SCARB2: variants seen among roughly 807,000 people sequenced by gnomAD.
SCARB2 encodes lysosome membrane protein 2.
Under a neutral mutation model 58.6 loss-of-function variants are expected in SCARB2, and 29 were observed. The observed-to-expected ratio is 0.49, with a 90% CI of 0.37 to 0.67. The LOEUF (loss-of-function observed/expected upper bound fraction) is 0.67, where lower values mean the gene tolerates loss of function less well. Ranked by LOEUF, SCARB2 falls within the 30% of genes least tolerant of loss-of-function variation. SCARB2 has a pLI of 0.00. For missense variants in SCARB2, 488 were observed against 578.5 expected (o/e 0.84, Z 1.60); for synonymous variants, 195 against 210.1 (o/e 0.93, Z 0.62).
chr4:76,219,496 G>A (rs555767522), intron 1 of SCARB2, among the ~76,000 whole-genome samples: 2 of 152,308 alleles, frequency 1.3e-5, no homozygotes, highest in East Asian at 3.9e-4. Flanking sequence ...TTTCCTGCAT[G>A]TTGTGAAATC....
intron 2 of SCARB2, among the ~76,000 whole-genome samples, chr4:76,183,657 A>G (rs1036448583): frequency 6.6e-6 from 1 of 152,202 alleles, no homozygotes; most frequent in Non-Finnish European, 1.5e-5. Context: ...TACATTACAT[A>G]GGCATGATTG....
At chr4:76,226,533 T>C (rs943723496) in intron 1 of SCARB2, among the ~76,000 whole-genome samples, 2 of 152,092 alleles carry the variant, frequency 1.3e-5, no homozygotes, top group African/African-American at 4.8e-5. Context: ...TGGATTTAGA[T>C]TGTAGTGCTG....
chr4:76,169,317 TACACACACAC>T (rs1553947566), intron 8 of SCARB2, among the ~76,000 whole-genome samples: 1 of 127,398 alleles, frequency 7.8e-6, no homozygotes. Flanking sequence ...ATGTGTATTA[TACACACACAC>T]ACACACACAC....
At chr4:76,166,102 C>A in intron 10 of SCARB2, 148 bp downstream of exon 10, 2 of 825,568 alleles carry the variant, frequency 2.4e-6, no homozygotes, top group East Asian at 4.9e-5. Flanking sequence ...TTCATGTGAA[C>A]ATTTAAGTGA....
At position 76,168,158 on chromosome 4, in the gene SCARB2, G is replaced by C. The variant is rs60157651; in HGVS notation, c.1187+245C>G. 0.21 allele frequency among the ~76,000 whole-genome samples: 32,176 copies of C among 152,134 alleles called. 4,015 individuals are homozygous for C. The highest frequency in any genetic ancestry group is 0.35 in the East Asian group (1,817 of 5,166). ...ATGGGGATAATACAAGGTTATATGT[G>C]AATCCACATAAGGTGCTGAGAACAA... On this transcript the variant is annotated intron_variant, in intron 9 of 11. Transcript: ENST00000264896.
intron 1 of SCARB2, 130 bp downstream of exon 1, chr4:76,213,297 G>C (rs1254394658): frequency 1.5e-5 from 11 of 730,778 alleles, no homozygotes; most frequent in Non-Finnish European, 2.7e-5. Flanking sequence ...CTGGAAGACA[G>C]GGACGCAAGA....
intron 1 of SCARB2, among the ~76,000 whole-genome samples, chr4:76,226,220 T>C (rs943779758): frequency 6.6e-6 from 1 of 152,090 alleles, no homozygotes; most frequent in African/African-American, 2.4e-5. Context: ...TACTATTTAC[T>C]GGTAATCAAA....
intron 2 of SCARB2, among the ~76,000 whole-genome samples, chr4:76,190,936 C>T (rs755934401): frequency 6.6e-6 from 1 of 152,114 alleles, no homozygotes; most frequent in Non-Finnish European, 1.5e-5. Context: ...GTGTAAAATG[C>T]ACACAGGATT....
chr4:76,230,239 C>T (rs1248432081), intron 1 of SCARB2, among the ~76,000 whole-genome samples: 1 of 152,040 alleles, frequency 6.6e-6, no homozygotes, highest in Non-Finnish European at 1.5e-5. Context: ...GGTTCTTGGG[C>T]TAATGGGGTT....
chr4:76,170,971 T>TATATATATATATATATATATATATATAA (rs34900504), intron 7 of SCARB2, among the ~76,000 whole-genome samples: 6 of 133,828 alleles, frequency 4.5e-5, no homozygotes, highest in Non-Finnish European at 9.6e-5. Context: ...TATATATATA[T>TATATATATATATATATATATATATATAA]AACCAAATAG....
intron 2 of SCARB2, chr4:76,194,300 CT>C (rs1354757029): frequency 6.6e-6 from 1 of 152,228 alleles, no homozygotes; most frequent in African/African-American, 2.4e-5. Flanking sequence ...CCTAATCCAA[CT>C]AATAGTAAGA....
chr4:76,229,675 C>T (rs2109984953), intron 1 of SCARB2, among the ~76,000 whole-genome samples: 1 of 152,310 alleles, frequency 6.6e-6, no homozygotes, highest in East Asian at 1.9e-4. Flanking sequence ...TACCTGATTC[C>T]TGTGATGTGA....
Position 76,213,806 on chromosome 4 carries a change from T to G in SCARB2, c.-263A>C. The stretch of plus-strand genomic sequence containing the variant: ...TCGCCGGGCAGCCGTGGCGCCCGCC[T>G]AGCGCAGCTCGGGAGAGTGCAGGGA... On this transcript the variant is annotated 5_prime_UTR_variant, in exon 1 of 12. Transcript: ENST00000264896. The G allele has an allele frequency of 2.8e-6, 1 of 355,240 alleles. No individual in the cohort carries two copies. The highest frequency in any genetic ancestry group is 5.1e-6 in the Non-Finnish European group (1 of 197,198). 22.0% of individuals were successfully genotyped at this position (355,240 alleles called of 1,614,324 possible). A position where few individuals can be genotyped will look rare whatever the true frequency, so the allele number is the denominator to read the frequency against.
intron 1 of SCARB2, among the ~76,000 whole-genome samples, chr4:76,231,673 T>C (rs1374517413): frequency 6.6e-6 from 1 of 152,236 alleles, no homozygotes; most frequent in Non-Finnish European, 1.5e-5. Flanking sequence ...CGATGGAAGT[T>C]TGTTCCACAA....
chr4:76,177,519 A>G (rs1324398156), intron 4 of SCARB2, among the ~76,000 whole-genome samples: 2 of 152,196 alleles, frequency 1.3e-5, no homozygotes, highest in Admixed American at 1.3e-4. Context: ...GTATATACTC[A>G]AGAGAATTCC....
chr4:76,183,670 T>G lies in SCARB2; in HGVS notation c.276-2569A>C, dbSNP rs577327400. ...GCTACATTACATAGGCATGATTGAT[T>G]AAATCACTGGCCATTTGTGATCAAC... On this transcript the variant is annotated intron_variant, in intron 2 of 11. Transcript: ENST00000264896. Among the ~76,000 whole-genome samples, 54 of 152,304 alleles carry G rather than the reference T, an allele frequency of 3.5e-4. 1 individual carries two copies. The highest frequency in any genetic ancestry group is 1.2e-3 in the African/African-American group (49 of 41,570).
At chr4:76,233,163 G>A (rs999283991) in intron 1 of SCARB2, among the ~76,000 whole-genome samples, 5 of 152,082 alleles carry the variant, frequency 3.3e-5, no homozygotes, top group Non-Finnish European at 7.4e-5. Flanking sequence ...TGTTGTAATG[G>A]TAACTCCTAG....
upstream of SCARB2, among the ~76,000 whole-genome samples, chr4:76,215,432 T>G (rs1315727104): frequency 2.6e-5 from 4 of 152,214 alleles, no homozygotes; most frequent in Non-Finnish European, 4.4e-5. Flanking sequence ...AATGAGAATC[T>G]GAGGACAGCA....
chr4:76,182,844 T>C (rs1732412117), intron 2 of SCARB2, among the ~76,000 whole-genome samples: 1 of 152,224 alleles, frequency 6.6e-6, no homozygotes, highest in African/African-American at 2.4e-5. Context: ...AGTTGAAAGT[T>C]TGTTTTTGAT....
Sources: gnomAD v4.1 joint callset for allele counts (sites outside exome capture counted in the v4.1 genomes callset) on GRCh38, gnomAD v4.1.1 for gene constraint, MANE v1.5 for transcripts, NCBI Gene and HGNC (gene_info 2026-07-23, HGNC 2026-07-21) for gene names.